The following IGF2BP2 variants were observed in gnomAD, a reference collection of about 807,000 sequenced individuals.
IGF2BP2 encodes the protein insulin-like growth factor 2 mRNA-binding protein 2.
In IGF2BP2, 17 loss-of-function variants were observed where a neutral mutation model predicts 75.8. The ratio of observed to expected loss-of-function variants is 0.22; its 90% CI spans 0.15 to 0.34. The LOEUF (loss-of-function observed/expected upper bound fraction) is 0.34, where lower values mean the gene tolerates loss of function less well. Ranked by LOEUF, IGF2BP2 falls within the 10% of genes least tolerant of loss-of-function variation. The pLI is 1.00. For synonymous variants in IGF2BP2, 288 were observed against 295.6 expected (o/e 0.97, Z 0.26); for missense variants, 516 against 772.4 (o/e 0.67, Z 3.93).
chr3:185,754,462 C>T (rs1731342839), intron 2 of IGF2BP2, among the ~76,000 whole-genome samples: 1 of 152,062 alleles, frequency 6.6e-6, no homozygotes, highest in Non-Finnish European at 1.5e-5. Flanking sequence ...CAGACTAACA[C>T]AGAAAATTAG....
chr3:185,820,925 CTTG>C lies in IGF2BP2; in HGVS notation c.239+2225_239+2227del. On this transcript the variant is annotated intron_variant, in intron 2 of 15. Coordinates refer to ENST00000382199, the MANE Select transcript of IGF2BP2 (RefSeq NM_006548.6). ...TTAACACTGCCAAATTTACTTCTAACTTGTTAATATTCACAGAAATGCAACACA... is the reference window on the plus strand; with the variant it reads ...TTAACACTGCCAAATTTACTTCTAACTTAATATTCACAGAAATGCAACACA... 7.3e-6 allele frequency: 10 copies of C among 1,367,990 alleles called. 1 individual carries two copies. Among genetic ancestry groups the C allele is most frequent in the Non-Finnish European group, 9.9e-6 (10 of 1,011,422 alleles). 84.7% of individuals were successfully genotyped at this position (1,367,990 alleles called of 1,614,324 possible).
Position 185,807,706 on chromosome 3 carries a change from T to C in IGF2BP2, c.239+15447A>G, listed in dbSNP as rs527522225. Among the ~76,000 whole-genome samples the C allele has an allele frequency of 4.6e-5, 7 of 152,324 alleles. No homozygotes were observed. The South Asian group carries it at 8.3e-4, about 18-fold the overall frequency. ...AACAAAATAAGGCAGACTCAGTGAC[T>C]GCATCATAAAAGAAAAGGTGATGTC... is the stretch of plus-strand genomic sequence containing the variant. On this transcript the variant is annotated intron_variant, in intron 2 of 15. Transcript: ENST00000382199.
chr3:185,690,320 C>T (rs1306356543), intron 5 of IGF2BP2, among the ~76,000 whole-genome samples: 1 of 152,036 alleles, frequency 6.6e-6, no homozygotes, highest in African/African-American at 2.4e-5. Context: ...CAAATAAAAT[C>T]CTAATCCACT....
chr3:185,648,800 A>G (rs1197780553), intron 14 of IGF2BP2, among the ~76,000 whole-genome samples: 1 of 152,174 alleles, frequency 6.6e-6, no homozygotes, highest in African/African-American at 2.4e-5. Context: ...TCTTTCAAAA[A>G]ACAATCTCCT....
chr3:185,798,787 CTTTTTTTCT>C (rs1415361511), intron 2 of IGF2BP2, among the ~76,000 whole-genome samples: 1 of 133,142 alleles, frequency 7.5e-6, no homozygotes, highest in East Asian at 2.1e-4. Context: ...TTTCTTTTTT[CTTTTTTTCT>C]TTTTTTTTTT....
At chr3:185,765,923 A>T (rs1013971315) in intron 2 of IGF2BP2, among the ~76,000 whole-genome samples, 5 of 152,224 alleles carry the variant, frequency 3.3e-5, no homozygotes, top group Admixed American at 6.5e-5. Flanking sequence ...CAAAGAAGGG[A>T]ATGAGGCAGG....
intron 2 of IGF2BP2, among the ~76,000 whole-genome samples, chr3:185,748,264 G>A (rs1000386629): frequency 2.0e-5 from 3 of 152,186 alleles, no homozygotes; most frequent in African/African-American, 7.2e-5. Flanking sequence ...AGAGGTAGAG[G>A]AAGGAACTGG....
At chr3:185,795,744 G>C (rs1359840418) in intron 2 of IGF2BP2, among the ~76,000 whole-genome samples, 1 of 152,068 alleles carries the variant, frequency 6.6e-6, no homozygotes, top group Non-Finnish European at 1.5e-5. Flanking sequence ...AGCTGGGTGT[G>C]GTGGCGCAGT....
At chr3:185,659,014 AG>A (rs961386481) in intron 10 of IGF2BP2, among the ~76,000 whole-genome samples, 5 of 152,172 alleles carry the variant, frequency 3.3e-5, no homozygotes, top group Non-Finnish European at 5.9e-5. Context: ...CAGGAACTTG[AG>A]ACTAGCCTGG....
chr3:185,652,679 C>T (rs572726714), intron 12 of IGF2BP2, among the ~76,000 whole-genome samples: 10 of 152,174 alleles, frequency 6.6e-5, no homozygotes, highest in Admixed American at 2.0e-4. Flanking sequence ...TGGTCAAGAC[C>T]GCTTCCTCCA....
chr3:185,766,664 C>A (rs1270150097), intron 2 of IGF2BP2, among the ~76,000 whole-genome samples: 5 of 152,178 alleles, frequency 3.3e-5, no homozygotes, highest in Non-Finnish European at 5.9e-5. Flanking sequence ...GTTTGCCAAC[C>A]CCTGGTCTAG....
chr3:185,783,438 T>C (rs1735461879), intron 2 of IGF2BP2, among the ~76,000 whole-genome samples: 1 of 152,168 alleles, frequency 6.6e-6, no homozygotes, highest in African/African-American at 2.4e-5. Flanking sequence ...AGTGGAGTTC[T>C]CACCCCTGAG....
At chr3:185,797,660 G>A (rs920554126) in intron 2 of IGF2BP2, among the ~76,000 whole-genome samples, 2 of 151,810 alleles carry the variant, frequency 1.3e-5, no homozygotes, top group East Asian at 1.9e-4. Context: ...TCCCAGCACT[G>A]TGGGAGGCCA....
intron 12 of IGF2BP2, among the ~76,000 whole-genome samples, chr3:185,654,951 G>C (rs1455611575): frequency 6.6e-6 from 1 of 152,158 alleles, no homozygotes; most frequent in Non-Finnish European, 1.5e-5. Context: ...TGAGTGTGAG[G>C]CTCTCTCCCT....
At chr3:185,651,387 C>T (rs768501478) in intron 13 of IGF2BP2, among the ~76,000 whole-genome samples, 3 of 151,128 alleles carry the variant, frequency 2.0e-5, no homozygotes, top group Non-Finnish European at 4.4e-5. Context: ...TTTTCCTTTT[C>T]GTTAGAGATG....
intron 2 of IGF2BP2, chr3:185,821,116 A>C (rs1741324026): frequency 2.0e-6 from 3 of 1,521,636 alleles, no homozygotes; most frequent in Middle Eastern, 1.7e-4. Flanking sequence ...GTCATTAGCT[A>C]TCTCTCCCTT....
intron 2 of IGF2BP2, among the ~76,000 whole-genome samples, chr3:185,770,333 G>A (rs1733712663): frequency 6.6e-6 from 1 of 152,194 alleles, no homozygotes; most frequent in South Asian, 2.1e-4. Flanking sequence ...GGAAACTCCA[G>A]TTCTCTCAAG....
chr3:185,650,020 G>A (rs1467907359), intron 13 of IGF2BP2, among the ~76,000 whole-genome samples: 1 of 151,990 alleles, frequency 6.6e-6, no homozygotes, highest in Non-Finnish European at 1.5e-5. Flanking sequence ...AATTTCTAAT[G>A]GAGAACAGGG....
intron 13 of IGF2BP2, 39 bp from the exon 14 acceptor site, chr3:185,649,573 C>T (rs776279089): frequency 2.4e-5 from 38 of 1,610,874 alleles, no homozygotes; most frequent in Admixed American, 3.3e-5. Context: ...CTCAGTCAGC[C>T]AGCAGCCGGC....
Sources: allele counts gnomAD v4.1 joint callset (sites outside exome capture counted in the v4.1 genomes callset), GRCh38; gene constraint gnomAD v4.1.1; transcripts MANE v1.5; gene names NCBI Gene and HGNC (gene_info 2026-07-23, HGNC 2026-07-21).